Variants in PPARGC1A observed in about 807,000 individuals in gnomAD.
The protein encoded by PPARGC1A is PPARG coactivator 1 alpha.
A neutral mutation model predicts 88.7 loss-of-function variants in PPARGC1A; 25 were observed. That is an observed-to-expected ratio of 0.28 (90% confidence interval 0.21 to 0.39). The LOEUF is 0.39. Ranked by LOEUF, PPARGC1A falls within the 10% of genes least tolerant of loss-of-function variation. The probability of loss-of-function intolerance (pLI) is 1.00; values close to 1 mark genes in which losing one functional copy is unlikely to be tolerated. For synonymous variants in PPARGC1A, 363 were observed against 355.6 expected (o/e 1.02, Z -0.24); for missense variants, 880 against 968.7 (o/e 0.91, Z 1.22).
chr4:24,049,308 G>GTGTGTGTATATA, the PPARGC1A span, among the ~76,000 whole-genome samples: 1 of 139,550 alleles, frequency 7.2e-6, no homozygotes, highest in African/African-American at 2.7e-5. Context: ...ATATATGTGT[G>GTGTGTGTATATA]TATATATATA....
the PPARGC1A span, among the ~76,000 whole-genome samples, chr4:24,050,870 A>G: frequency 6.6e-6 from 1 of 152,170 alleles, no homozygotes; most frequent in Admixed American, 6.5e-5. Flanking sequence ...CATTTTATTT[A>G]GAACCTAACC....
At chr4:23,935,021 C>T in the PPARGC1A span, among the ~76,000 whole-genome samples, 2 of 152,186 alleles carry the variant, frequency 1.3e-5, no homozygotes, top group Non-Finnish European at 2.9e-5. Context: ...AGAAACCAAG[C>T]TCGAGGTTCT....
At chr4:23,905,706 A>T (rs1262685919), upstream of PPARGC1A, among the ~76,000 whole-genome samples, 2 of 152,242 alleles carry the variant, frequency 1.3e-5, no homozygotes, top group African/African-American at 4.8e-5. Flanking sequence ...AAGTATTATT[A>T]CTAATCTGAT....
the PPARGC1A span, among the ~76,000 whole-genome samples, chr4:24,386,607 CAGAG>C: frequency 5.9e-5 from 9 of 152,138 alleles, no homozygotes; most frequent in African/African-American, 2.2e-4. Context: ...AATAGACAAA[CAGAG>C]AGCCAAATCA....
At chr4:23,982,972 T>A in the PPARGC1A span, among the ~76,000 whole-genome samples, 1 of 152,146 alleles carries the variant, frequency 6.6e-6, no homozygotes, top group Admixed American at 6.6e-5. Context: ...CAATCCCCCT[T>A]TTTTACACAC....
the PPARGC1A span, among the ~76,000 whole-genome samples, chr4:24,191,920 GA>G: frequency 6.6e-6 from 1 of 152,186 alleles, no homozygotes; most frequent in Non-Finnish European, 1.5e-5. Flanking sequence ...TCAACCCTTA[GA>G]GAGTACACAA....
the PPARGC1A span, among the ~76,000 whole-genome samples, chr4:24,044,815 C>T: frequency 6.6e-6 from 1 of 152,160 alleles, no homozygotes; most frequent in African/African-American, 2.4e-5. Flanking sequence ...AGGCAACACC[C>T]AAAGAAACAT....
the PPARGC1A span, among the ~76,000 whole-genome samples, chr4:24,250,754 T>C: frequency 6.6e-6 from 1 of 152,214 alleles, no homozygotes; most frequent in Non-Finnish European, 1.5e-5. Flanking sequence ...TGCAATAGAA[T>C]GCAGGAAATG....
chr4:24,067,951 G>T, the PPARGC1A span, among the ~76,000 whole-genome samples: 1 of 152,088 alleles, frequency 6.6e-6, no homozygotes, highest in African/African-American at 2.4e-5. Context: ...CCCCCAGAGG[G>T]GCCAGGGCAA....
the PPARGC1A span, among the ~76,000 whole-genome samples, chr4:24,082,601 A>G: frequency 6.6e-6 from 1 of 152,138 alleles, no homozygotes; most frequent in African/African-American, 2.4e-5. Context: ...TGACTTGAGG[A>G]TTTCACACTT....
the PPARGC1A span, among the ~76,000 whole-genome samples, chr4:24,324,346 C>T: frequency 6.6e-6 from 1 of 152,134 alleles, no homozygotes; most frequent in Non-Finnish European, 1.5e-5. Context: ...CTTATTTCCG[C>T]ACCACAACCT....
the PPARGC1A span, among the ~76,000 whole-genome samples, chr4:24,272,902 C>G: frequency 6.6e-6 from 1 of 152,124 alleles, no homozygotes; most frequent in African/African-American, 2.4e-5. Context: ...ATCATGCAGA[C>G]CCAGGTACAG....
At chr4:24,279,912 G>C in the PPARGC1A span, among the ~76,000 whole-genome samples, 1 of 152,130 alleles carries the variant, frequency 6.6e-6, no homozygotes, top group Non-Finnish European at 1.5e-5. Flanking sequence ...GGGAATTTAA[G>C]CATTCTAGAA....
chr4:24,171,022 C>T, the PPARGC1A span, among the ~76,000 whole-genome samples: 2 of 152,128 alleles, frequency 1.3e-5, no homozygotes, highest in African/African-American at 2.4e-5. Context: ...GCCTGGAATG[C>T]TCTTCCCCCA....
Position 23,814,530 on chromosome 4 carries a change from G to A in PPARGC1A, c.953C>T (p.Ser318Phe), listed in dbSNP as rs1227430789. The A allele has an allele frequency of 5.6e-6, 9 of 1,613,178 alleles. No individual in the cohort carries two copies. In the Admixed American group the frequency reaches 8.3e-5, roughly 15 times the overall value. Reference protein sequence around the residue: ...NPFRASPKLKSSCKTVVPPPS... With the variant: ...NPFRASPKLKFSCKTVVPPPS... ...TGGTGGCACCACAGTCTTGCAAGAG[G>A]ACTTCAGCTTTGGAGAAGCCCTAAA... The change falls in exon 8 of 13, where the codon TCC (serine) becomes TTC (phenylalanine). Residue 318 changes from serine to phenylalanine, a missense_variant. Physicochemically the swap from Ser to Phe is radical, Grantham distance 155. Transcript: ENST00000264867.
upstream of PPARGC1A, among the ~76,000 whole-genome samples, chr4:23,894,775 A>C (rs1718327759): frequency 6.6e-6 from 1 of 152,146 alleles, no homozygotes; most frequent in Admixed American, 6.5e-5. Flanking sequence ...AACTTAAAGC[A>C]ACAATTGTAC....
the PPARGC1A span, among the ~76,000 whole-genome samples, chr4:24,036,901 C>T: frequency 1.2e-4 from 18 of 152,198 alleles, no homozygotes; most frequent in Admixed American, 1.3e-4. Context: ...CTTAGAACAA[C>T]GTCAGGTACT....
the PPARGC1A span, among the ~76,000 whole-genome samples, chr4:24,098,786 A>T: frequency 6.6e-6 from 1 of 152,222 alleles, no homozygotes; most frequent in Non-Finnish European, 1.5e-5. Context: ...AAATCAGATG[A>T]CTTCATCCAC....
the PPARGC1A span, among the ~76,000 whole-genome samples, chr4:24,195,147 G>A: frequency 6.6e-6 from 1 of 152,170 alleles, no homozygotes. Context: ...ACAGTGGAGA[G>A]TACAGACTCT....
Sources: gnomAD v4.1 joint callset for allele counts (sites outside exome capture counted in the v4.1 genomes callset) on GRCh38, gnomAD v4.1.1 for gene constraint, MANE v1.5 for transcripts, NCBI Gene and HGNC (gene_info 2026-07-23, HGNC 2026-07-21) for gene names.